Variants in LIN28B observed in about 807,000 individuals in gnomAD.
The protein encoded by LIN28B is lin-28 RNA binding posttranscriptional regulator B, also known as protein lin-28 homolog B.
Under a neutral mutation model 21.9 loss-of-function variants are expected in LIN28B, and 5 were observed. That is an observed-to-expected ratio of 0.23 (90% CI 0.12 to 0.48). The LOEUF (loss-of-function observed/expected upper bound fraction) is 0.48, where lower values mean the gene tolerates loss of function less well. Among genes scored for constraint, LIN28B ranks in the 20% least tolerant of loss-of-function variants. The probability of loss-of-function intolerance (pLI) is 0.98; values close to 1 mark genes in which losing one functional copy is unlikely to be tolerated. For missense variants in LIN28B, 245 were observed against 310.5 expected (o/e 0.79, Z 1.58); for synonymous variants, 109 against 111.3 (o/e 0.98, Z 0.13).
intron 2 of LIN28B, among the ~76,000 whole-genome samples, chr6:104,999,660 T>C (rs1281244413): frequency 6.6e-6 from 1 of 152,152 alleles, no homozygotes; most frequent in African/African-American, 2.4e-5. Context: ...TGTTTTACCC[T>C]GTCTTATGGT....
In LIN28B at chr6:105,026,328, C is replaced by G; in HGVS notation, c.229C>G (p.Leu77Val). Residue 77 changes from leucine to valine, a missense_variant, in exon 3 of 4, where the codon CTA becomes GTA. Physicochemically the swap from Leu to Val is conservative, Grantham distance 32. Transcript: ENST00000345080. The part of the protein sequence containing the change: ...SKLFMEGFRS[L>V]KEGEPVEFTF... ...ACTATTCATGGAAGGATTTAGAAGC[C>G]TAAAAGAAGGAGAACCAGTGGAATT... is the stretch of plus-strand genomic sequence containing the variant. 6.2e-7 allele frequency: 1 copy of G among 1,610,142 alleles called. No homozygotes were observed. The highest frequency in any genetic ancestry group is 8.5e-7 in the Non-Finnish European group (1 of 1,178,360).
chr6:105,047,292 T>G (rs1771789605), intron 3 of LIN28B, among the ~76,000 whole-genome samples: 2 of 152,346 alleles, frequency 1.3e-5, no homozygotes, highest in African/African-American at 4.8e-5. Flanking sequence ...CCCCATTTCT[T>G]GTTTTTGTCA....
chr6:104,950,736 C>T (rs969986838), intron 3 of LIN28B, among the ~76,000 whole-genome samples: 1 of 151,806 alleles, frequency 6.6e-6, no homozygotes, highest in Non-Finnish European at 1.5e-5. Flanking sequence ...ACCCCTTTCC[C>T]CCCACCCCCA....
At chr6:104,989,855 G>T (rs2114265692) in intron 2 of LIN28B, among the ~76,000 whole-genome samples, 1 of 152,076 alleles carries the variant, frequency 6.6e-6, no homozygotes, top group South Asian at 2.1e-4. Context: ...GCTTCCCAAA[G>T]TGCTAGGATT....
intron 2 of LIN28B, among the ~76,000 whole-genome samples, chr6:104,977,104 G>C (rs1256943518): frequency 6.6e-6 from 1 of 151,746 alleles, no homozygotes; most frequent in African/African-American, 2.4e-5. Flanking sequence ...AGCTCACTAT[G>C]TATAATCTTG....
At chr6:105,035,229 A>T (rs1771500383) in intron 3 of LIN28B, among the ~76,000 whole-genome samples, 1 of 152,110 alleles carries the variant, frequency 6.6e-6, no homozygotes, top group Non-Finnish European at 1.5e-5. Context: ...TATGTGTATT[A>T]TATCCCAGAT....
rs184302124 is a variant in LIN28B, at chr6:104,942,015, G to C, written c.18+4899G>C. ...ACACAGAATGAAATCTTAGGTGCCT[G>C]TGTTTCCTTGAGTTCCCTTCAGTTC... On this transcript the variant is annotated intron_variant, in intron 2 of 5. Coordinates refer to the LIN28B transcript ENST00000635857. 1.9e-4 allele frequency among the ~76,000 whole-genome samples: 29 copies of C among 152,308 alleles called. 1 individual carries two copies. The East Asian group carries it at 5.6e-3, about 29-fold the overall frequency.
intron 2 of LIN28B, among the ~76,000 whole-genome samples, chr6:104,985,377 T>G (rs1001645096): frequency 1.5e-4 from 23 of 152,186 alleles, no homozygotes; most frequent in Non-Finnish European, 2.6e-4. Context: ...GACCTAAATA[T>G]AGTAAACTGG....
At chr6:105,034,894 A>G (rs889548494) in intron 3 of LIN28B, among the ~76,000 whole-genome samples, 2 of 152,068 alleles carry the variant, frequency 1.3e-5, no homozygotes, top group African/African-American at 4.8e-5. Context: ...GAGGTGCTGT[A>G]AATTCACATT....
At chr6:104,996,382 T>G (rs971582946) in intron 2 of LIN28B, among the ~76,000 whole-genome samples, 1 of 152,252 alleles carries the variant, frequency 6.6e-6, no homozygotes, top group Non-Finnish European at 1.5e-5. Context: ...AGAATGTTCT[T>G]GTCTGATGTT....
Position 104,998,968 on chromosome 6 carries a change from G to A in LIN28B, c.199-27330G>A, listed in dbSNP as rs78139517. ...GCAAAGTAAGAAAATGATTTATAAT[G>A]TACAGACAAAAGATTTAAAATCCTT... On this transcript the variant is annotated intron_variant, in intron 2 of 3. Transcript: ENST00000345080. Among the ~76,000 whole-genome samples the A allele has an allele frequency of 1.9e-3, 287 of 152,174 alleles. 1 individual carries two copies. The highest frequency in any genetic ancestry group is 6.5e-3 in the African/African-American group (271 of 41,518).
At chr6:104,979,454 C>A (rs1419640168) in intron 2 of LIN28B, among the ~76,000 whole-genome samples, 1 of 152,214 alleles carries the variant, frequency 6.6e-6, no homozygotes, top group African/African-American at 2.4e-5. Flanking sequence ...AGTCATCCAC[C>A]CGCCTTGGCC....
At chr6:105,021,566 A>G (rs545598598) in intron 2 of LIN28B, among the ~76,000 whole-genome samples, 35 of 152,246 alleles carry the variant, frequency 2.3e-4, no homozygotes, top group African/African-American at 8.2e-4. Flanking sequence ...GTAAGATGAT[A>G]TTTCATTGTG....
In LIN28B at chr6:105,026,544, G is replaced by A. The variant is rs573215545; in HGVS notation, c.383+62G>A. On this transcript the variant is annotated intron_variant, in intron 3 of 3. Transcript: ENST00000345080. ...GTGTTTGGAAAGGATTTCTGAAAAT[G>A]TTTTCATCTTACTGCATTTCATATT... 30 of 1,117,388 alleles carry A rather than the reference G, an allele frequency of 2.7e-5. No individual in the cohort carries two copies. The South Asian group carries it at 4.8e-4, about 18-fold the overall frequency. The allele number at this position is 1,117,388 out of a possible 1,614,324, so 69.2% of individuals were successfully genotyped here.
chr6:105,066,238 T>C (rs780146549), intron 3 of LIN28B, among the ~76,000 whole-genome samples: 1 of 152,222 alleles, frequency 6.6e-6, no homozygotes, highest in Non-Finnish European at 1.5e-5. Flanking sequence ...AGTAATTCAG[T>C]AGTCAGTCAG....
chr6:105,035,022 A>G (rs1771497378), intron 3 of LIN28B, among the ~76,000 whole-genome samples: 1 of 150,958 alleles, frequency 6.6e-6, no homozygotes, highest in South Asian at 2.1e-4. Context: ...AGCAATATTA[A>G]CCTCTTCCAC....
Position 105,063,337 on chromosome 6 carries a change from A to T in LIN28B, c.384-15077A>T, listed in dbSNP as rs191956655. ...GTAAGGTTAAAAAGAAAAAGATTAT[A>T]AAAAACACTGTCCCAATGTCTTTGG... is the stretch of plus-strand genomic sequence containing the variant. On this transcript the variant is annotated intron_variant, in intron 3 of 3. Transcript: ENST00000345080. Among the ~76,000 whole-genome samples, 7 of 152,274 alleles carry T rather than the reference A, an allele frequency of 4.6e-5. No individual in the cohort carries two copies. The East Asian group carries it at 1.4e-3, about 29-fold the overall frequency.
intron 3 of LIN28B, among the ~76,000 whole-genome samples, chr6:105,044,929 A>G (rs1771717693): frequency 6.6e-6 from 1 of 152,188 alleles, no homozygotes; most frequent in South Asian, 2.1e-4. Flanking sequence ...CTACTTGGCA[A>G]GCTGAGATGG....
Position 104,999,745 on chromosome 6 carries a change from A to G in LIN28B, c.199-26553A>G, listed in dbSNP as rs568232048. Among the ~76,000 whole-genome samples the G allele has an allele frequency of 2.8e-3, 427 of 152,070 alleles. 6 individuals are homozygous for G. Among genetic ancestry groups the G allele is most frequent in the African/African-American group, 9.9e-3 (409 of 41,482 alleles). On this transcript the variant is annotated intron_variant, in intron 2 of 3. Transcript: ENST00000345080. ...GCCCAGGCTGGAGTGCATTGGCATG[A>G]TCTCGGCTCACTACAACTTCTGCCT...
Sources: allele counts gnomAD v4.1 joint callset (sites outside exome capture counted in the v4.1 genomes callset), GRCh38; gene constraint gnomAD v4.1.1; transcripts MANE v1.5; gene names NCBI Gene and HGNC (gene_info 2026-07-23, HGNC 2026-07-21).